The following CHD4 variants were observed in gnomAD, a reference collection of about 807,000 sequenced individuals.
CHD4 encodes the protein ATP-dependent chromatin remodeler CHD4.
In CHD4, 35 loss-of-function variants were observed where a neutral mutation model predicts 235.5. The observed-to-expected ratio is 0.15, with a 90% CI of 0.11 to 0.20. The LOEUF is 0.20. Among genes scored for constraint, CHD4 ranks in the 10% least tolerant of loss-of-function variants. CHD4 has a pLI of 1.00. For missense variants in CHD4, 1,329 were observed against 2,432.3 expected (o/e 0.55, Z 9.54); for synonymous variants, 900 against 850.2 (o/e 1.06, Z -1.02).
At chr12:6,578,785 C>A (rs1419051394) in intron 34 of CHD4, 61 bp downstream of exon 34, 5 of 1,524,102 alleles carry the variant, frequency 3.3e-6, no homozygotes, top group Non-Finnish European at 4.6e-6. Flanking sequence ...AGGGCAGATA[C>A]AGTCCTTGCT....
At chr12:6,571,082 T>A (rs1947959936) in intron 38 of CHD4, 50 bp from the exon 39 acceptor site, 2 of 1,596,162 alleles carry the variant, frequency 1.3e-6, no homozygotes, top group Non-Finnish European at 8.5e-7. Context: ...CAGACTGAGC[T>A]CCCTCTACCC....
intron 34 of CHD4, 33 bp from the exon 35 acceptor site, chr12:6,578,579 C>T (rs866849024): frequency 6.2e-7 from 1 of 1,606,540 alleles, no homozygotes. Context: ...ATGTCAGCTC[C>T]AGCCAAAGCC....
At chr12:6,596,967 T>TAATA (rs926273708) in intron 12 of CHD4, among the ~76,000 whole-genome samples, 4 of 145,764 alleles carry the variant, frequency 2.7e-5, no homozygotes, top group Non-Finnish European at 6.0e-5. Flanking sequence ...TCAAAAAATA[T>TAATA]AATAAATAAA....
At chr12:6,600,047 C>A (rs757968523) in intron 9 of CHD4, 35 bp from the exon 10 acceptor site, 1 of 1,604,570 alleles carries the variant, frequency 6.2e-7, no homozygotes, top group Non-Finnish European at 8.5e-7. Flanking sequence ...GATTATTACC[C>A]CCACCCGCCC....
At chr12:6,598,190 G>A in intron 11 of CHD4, 32 bp downstream of exon 11, 1 of 1,608,492 alleles carries the variant, frequency 6.2e-7, no homozygotes, top group South Asian at 1.1e-5. Context: ...CTTCATCGTA[G>A]CCCCTACATC....
intron 4 of CHD4, 92 bp downstream of exon 4, chr12:6,601,868 G>A: frequency 6.4e-7 from 1 of 1,565,988 alleles, no homozygotes; most frequent in Non-Finnish European, 8.8e-7. Flanking sequence ...AAGAGGAAAA[G>A]AAGAGAAAGT....
At chr12:6,599,308 G>A (rs1948550041) in intron 10 of CHD4, among the ~76,000 whole-genome samples, 1 of 151,758 alleles carries the variant, frequency 6.6e-6, no homozygotes, top group Admixed American at 6.6e-5. Flanking sequence ...GTGGTGGCAT[G>A]CACCAGTACT....
Position 6,602,111 on chromosome 12 carries a change from T to C in CHD4, c.287A>G (p.Glu96Gly). 1 of 1,613,646 alleles carries C rather than the reference T, an allele frequency of 6.2e-7. No homozygotes were observed. The highest frequency in any genetic ancestry group is 8.5e-7 in the Non-Finnish European group (1 of 1,179,894). ...GTCTGAGCGCAGAGCCACCTCTTCCTCCTCCTCCACAAACTCTGGCCCCTC... is the reference window on the plus strand; with the variant it reads ...GTCTGAGCGCAGAGCCACCTCTTCCCCCTCCTCCACAAACTCTGGCCCCTC... ...SGEGPEFVEE[E>G]EEVALRSDSE... is the part of the protein sequence containing the mutation. Residue 96 changes from glutamate (E) to glycine (G), a missense_variant, in exon 4 of 40, where the codon GAG becomes GGG. Glu to Gly is a moderately conservative substitution (Grantham distance 98, BLOSUM62 -2). Coordinates refer to ENST00000544040, the MANE Select transcript of CHD4 (RefSeq NM_001273.5).
chr12:6,592,383 C>T lies in CHD4; in HGVS notation c.2948+10G>A. The T allele has an allele frequency of 6.4e-7, 1 of 1,571,852 alleles. No homozygotes were observed. Among genetic ancestry groups the T allele is most frequent in the East Asian group, 2.3e-5 (1 of 44,262 alleles). ...CTAAATGGAGTCTGCTTCTGTCCCTCCCAACTCACTTCTGCATAGGGCTCA... is the reference window on the plus strand; with the variant it reads ...CTAAATGGAGTCTGCTTCTGTCCCTTCCAACTCACTTCTGCATAGGGCTCA... On this transcript the variant is annotated intron_variant, in intron 19 of 39. Coordinates refer to ENST00000544040, the MANE Select transcript of CHD4 (RefSeq NM_001273.5).
intron 2 of CHD4, 36 bp from the exon 3 acceptor site, chr12:6,602,533 A>G: frequency 6.2e-7 from 1 of 1,606,352 alleles, no homozygotes; most frequent in Non-Finnish European, 8.5e-7. Context: ...AGGCAGGGAA[A>G]AGATCAATAG....
chr12:6,606,214 G>A (rs1948694685), intron 2 of CHD4, 60 bp downstream of exon 2: 6 of 1,154,850 alleles, frequency 5.2e-6, no homozygotes, highest in South Asian at 2.7e-5. Flanking sequence ...CACCAGAGGA[G>A]TCACTCGGGA....
chr12:6,600,779 G>A (rs12816349), intron 7 of CHD4, 110 bp from the exon 8 acceptor site: 357,717 of 1,515,714 alleles, frequency 0.24, 44,788 homozygotes, highest in Admixed American at 0.35. Flanking sequence ...AGCAAGCACC[G>A]TTATACAGGG....
chr12:6,603,325 T>C (rs1256299679), intron 2 of CHD4, among the ~76,000 whole-genome samples: 1 of 151,938 alleles, frequency 6.6e-6, no homozygotes, highest in Admixed American at 6.6e-5. Flanking sequence ...CAGCTTCCTT[T>C]GTAACAGACA....
chr12:6,601,854 A>G, intron 4 of CHD4, 88 bp from the exon 5 acceptor site: 1 of 1,560,010 alleles, frequency 6.4e-7, no homozygotes, highest in Non-Finnish European at 8.8e-7. Context: ...AGAGTAACAG[A>G]GTTAAGAGGA....
chr12:6,572,654 TC>T (rs147764696), intron 38 of CHD4, among the ~76,000 whole-genome samples: 45,628 of 151,870 alleles, frequency 0.3, 9,527 homozygotes, highest in African/African-American at 0.6. Flanking sequence ...CCTCCCGGGT[TC>T]CAAGCGATTC....
At chr12:6,587,284 G>T in intron 25 of CHD4, 100 bp downstream of exon 25, 1 of 1,152,002 alleles carries the variant, frequency 8.7e-7, no homozygotes, top group Non-Finnish European at 1.3e-6. Context: ...ATAAGAATTT[G>T]CCTACAGATA....
At chr12:6,579,275 C>A in intron 33 of CHD4, 6 of 308,136 alleles carry the variant, frequency 1.9e-5, no homozygotes, top group South Asian at 1.9e-4. Context: ...CATGGTGAAA[C>A]CCTGTCTCTA....
At chr12:6,587,629 C>T in intron 24 of CHD4, 70 bp from the exon 25 acceptor site, 1 of 1,606,814 alleles carries the variant, frequency 6.2e-7, no homozygotes, top group Non-Finnish European at 8.5e-7. Context: ...GCAAGTCCCA[C>T]AAGACCCTTG....
intron 13 of CHD4, 49 bp from the exon 14 acceptor site, chr12:6,595,479 A>G (rs1237279466): frequency 6.5e-7 from 1 of 1,547,004 alleles, no homozygotes; most frequent in Admixed American, 1.7e-5. Flanking sequence ...TTTCTATAGA[A>G]GAAACAACTT....
Sources: gnomAD v4.1 joint callset for allele counts (sites outside exome capture counted in the v4.1 genomes callset) on GRCh38, gnomAD v4.1.1 for gene constraint, MANE v1.5 for transcripts, NCBI Gene and HGNC (gene_info 2026-07-23, HGNC 2026-07-21) for gene names.